Variants in DEPDC1B observed in about 807,000 individuals in gnomAD.
DEPDC1B encodes the protein DEP domain-containing protein 1B.
A neutral mutation model predicts 66.5 loss-of-function variants in DEPDC1B; 51 were observed. The observed-to-expected ratio is 0.77, with a 90% CI of 0.61 to 0.97. DEPDC1B has a LOEUF of 0.97. Ranked by LOEUF, DEPDC1B falls within the 50% of genes least tolerant of loss-of-function variation. DEPDC1B has a pLI of 0.00. For missense variants in DEPDC1B, 552 were observed against 637.1 expected (o/e 0.87, Z 1.44); for synonymous variants, 226 against 223.6 (o/e 1.01, Z -0.10).
chr5:60,646,356 C>T (rs930221241), intron 3 of DEPDC1B, among the ~76,000 whole-genome samples: 3 of 152,126 alleles, frequency 2.0e-5, no homozygotes, highest in Admixed American at 6.5e-5. Context: ...AACCTTCTTA[C>T]CCTCAACTGG....
chr5:60,699,443 G>GAAAAAAAAAAAAAAC (rs1754728386), intron 1 of DEPDC1B, among the ~76,000 whole-genome samples: 1 of 89,380 alleles, frequency 1.1e-5, no homozygotes, highest in African/African-American at 5.5e-5. Flanking sequence ...TTTTCTCCCA[G>GAAAAAAAAAAAAAAC]AAAAAAAAAA....
At chr5:60,598,994 C>T in intron 10 of DEPDC1B, 81 bp downstream of exon 10, 2 of 1,204,428 alleles carry the variant, frequency 1.7e-6, no homozygotes, top group Non-Finnish European at 2.3e-6. Flanking sequence ...ATGAGATTTA[C>T]ATGAAGCCTA....
chr5:60,684,129 T>C (rs1754358515), intron 2 of DEPDC1B, among the ~76,000 whole-genome samples: 1 of 152,118 alleles, frequency 6.6e-6, no homozygotes, highest in Admixed American at 6.6e-5. Context: ...AGACATCCCA[T>C]GCACATGGCT....
At chr5:60,608,354 G>A (rs1752351710) in intron 7 of DEPDC1B, among the ~76,000 whole-genome samples, 2 of 151,710 alleles carry the variant, frequency 1.3e-5, no homozygotes, top group Non-Finnish European at 2.9e-5. Flanking sequence ...AAAGCATAAT[G>A]CATTTATTTT....
chr5:60,665,396 T>C (rs1031835166), intron 2 of DEPDC1B, among the ~76,000 whole-genome samples: 1 of 152,216 alleles, frequency 6.6e-6, no homozygotes, highest in Non-Finnish European at 1.5e-5. Flanking sequence ...CTTCAGGCTA[T>C]ACATTTCAAT....
At chr5:60,614,763 G>T (rs989792347) in intron 7 of DEPDC1B, among the ~76,000 whole-genome samples, 2 of 152,184 alleles carry the variant, frequency 1.3e-5, no homozygotes, top group African/African-American at 2.4e-5. Flanking sequence ...AGCCAAGGCG[G>T]GTGGATCACC....
intron 7 of DEPDC1B, among the ~76,000 whole-genome samples, chr5:60,627,069 A>G (rs1253297579): frequency 1.3e-5 from 2 of 152,162 alleles, no homozygotes; most frequent in Admixed American, 1.3e-4. Flanking sequence ...TTCCACTTTT[A>G]GTTTTGCATC....
chr5:60,697,464 G>T (rs2124751), intron 1 of DEPDC1B, among the ~76,000 whole-genome samples: 1 of 152,046 alleles, frequency 6.6e-6, no homozygotes, highest in Non-Finnish European at 1.5e-5. Flanking sequence ...ATAGAGGGAG[G>T]AAAGGCCAAC....
intron 7 of DEPDC1B, among the ~76,000 whole-genome samples, chr5:60,628,910 A>T (rs893306322): frequency 6.6e-6 from 1 of 152,192 alleles, no homozygotes; most frequent in Non-Finnish European, 1.5e-5. Context: ...ATCCTGCTGA[A>T]ATGGTGGGAG....
intron 2 of DEPDC1B, chr5:60,647,803 C>T (rs2111890377): frequency 9.9e-6 from 2 of 202,936 alleles, no homozygotes; most frequent in African/African-American, 2.3e-5. Context: ...ACTGCAAAAG[C>T]AATGTAAGAA....
intron 7 of DEPDC1B, among the ~76,000 whole-genome samples, chr5:60,617,738 A>C (rs1397199092): frequency 6.6e-6 from 1 of 152,196 alleles, no homozygotes; most frequent in Non-Finnish European, 1.5e-5. Context: ...ACATGACAGA[A>C]AGTTAACAAG....
At chr5:60,609,227 C>T (rs985526622) in intron 7 of DEPDC1B, among the ~76,000 whole-genome samples, 2 of 152,146 alleles carry the variant, frequency 1.3e-5, no homozygotes, top group South Asian at 2.1e-4. Context: ...GGGTGATAAG[C>T]GACCATCCTT....
At chr5:60,645,647 G>C in intron 3 of DEPDC1B, 28 bp from the exon 4 acceptor site, 1 of 1,584,798 alleles carries the variant, frequency 6.3e-7, no homozygotes, top group East Asian at 2.3e-5. Context: ...TAAGAAGGGA[G>C]GGAAGGAGAA....
intron 7 of DEPDC1B, among the ~76,000 whole-genome samples, chr5:60,610,106 C>T (rs1752386250): frequency 1.3e-5 from 2 of 152,026 alleles, no homozygotes; most frequent in South Asian, 4.1e-4. Context: ...TCATAGGTAC[C>T]AACACATTTC....
intron 2 of DEPDC1B, among the ~76,000 whole-genome samples, chr5:60,667,836 T>A (rs1211877348): frequency 8.8e-6 from 1 of 114,188 alleles, no homozygotes; most frequent in East Asian, 2.7e-4. Context: ...TACATATATG[T>A]AAAAAATGGA....
At chr5:60,615,680 G>A (rs1297197035) in intron 7 of DEPDC1B, among the ~76,000 whole-genome samples, 1 of 152,216 alleles carries the variant, frequency 6.6e-6, no homozygotes, top group African/African-American at 2.4e-5. Flanking sequence ...GCAGCTCAAG[G>A]AGGCCTGCCT....
At chr5:60,688,966 C>T (rs973691174) in intron 1 of DEPDC1B, 6 of 454,982 alleles carry the variant, frequency 1.3e-5, no homozygotes, top group Non-Finnish European at 2.6e-5. Context: ...CACTGTAATA[C>T]ACTGCTGGCC....
chr5:60,609,746 T>C (rs1752377979), intron 7 of DEPDC1B, among the ~76,000 whole-genome samples: 1 of 152,210 alleles, frequency 6.6e-6, no homozygotes, highest in South Asian at 2.1e-4. Context: ...TATAGCAATG[T>C]TCTGAGTAGT....
intron 2 of DEPDC1B, 83 bp from the exon 3 acceptor site, chr5:60,647,616 C>G (rs1470526015): frequency 6.8e-7 from 1 of 1,463,624 alleles, no homozygotes; most frequent in East Asian, 2.4e-5. Context: ...TTTGGTGTAT[C>G]TGAAAATTTA....
Sources: allele counts gnomAD v4.1 joint callset (sites outside exome capture counted in the v4.1 genomes callset), GRCh38; gene constraint gnomAD v4.1.1; transcripts MANE v1.5; gene names NCBI Gene and HGNC (gene_info 2026-07-23, HGNC 2026-07-21).